The following CPVL variants were observed in gnomAD, a reference collection of about 807,000 sequenced individuals.
CPVL encodes the protein carboxypeptidase vitellogenic like.
In CPVL, 51 loss-of-function variants were observed where a neutral mutation model predicts 63.7. The ratio of observed to expected loss-of-function variants is 0.80; its 90% CI spans 0.64 to 1.01. CPVL has a LOEUF of 1.01. Among genes scored for constraint, CPVL ranks in the 50% least tolerant of loss-of-function variants. CPVL has a pLI of 0.00. For synonymous variants in CPVL, 195 were observed against 206.0 expected (o/e 0.95, Z 0.46); for missense variants, 530 against 573.1 (o/e 0.92, Z 0.77).
intron 8 of CPVL, 136 bp downstream of exon 8, chr7:29,072,165 T>C (rs1353418008): frequency 9.7e-7 from 1 of 1,033,496 alleles, no homozygotes; most frequent in African/African-American, 1.6e-5. Flanking sequence ...TTGGTAAAAA[T>C]TAGGAGATTT....
At chr7:29,051,090 T>A (rs1790109492) in intron 11 of CPVL, among the ~76,000 whole-genome samples, 1 of 152,102 alleles carries the variant, frequency 6.6e-6, no homozygotes, top group Admixed American at 6.6e-5. Flanking sequence ...TCACCTTATA[T>A]AAAAATCAAC....
At chr7:29,187,376 A>G (rs1306444247) in intron 1 of CPVL, among the ~76,000 whole-genome samples, 1 of 151,928 alleles carries the variant, frequency 6.6e-6, no homozygotes, top group East Asian at 1.9e-4. Flanking sequence ...ACAAAGAGAG[A>G]GACAGAGAGC....
intron 12 of CPVL, among the ~76,000 whole-genome samples, chr7:29,013,619 C>A (rs747133566): frequency 6.6e-6 from 1 of 152,200 alleles, no homozygotes; most frequent in Non-Finnish European, 1.5e-5. Context: ...CACCAGCTCC[C>A]GCTGCTCCCA....
In CPVL at chr7:29,096,538, T is replaced by C; in HGVS notation, c.289-321A>G. On this transcript the variant is annotated intron_variant, in intron 3 of 12. Coordinates refer to ENST00000265394, the MANE Select transcript of CPVL (RefSeq NM_031311.5). ...GACATCTAGCATACTGCCTGGGGCATGGTTATATATTTTTAGCTGTTTAAA... is the reference window on the plus strand; with the variant it reads ...GACATCTAGCATACTGCCTGGGGCACGGTTATATATTTTTAGCTGTTTAAA... 2 of 369,016 alleles carry C rather than the reference T, an allele frequency of 5.4e-6. 1 individual carries two copies. Among genetic ancestry groups the C allele is most frequent in the Non-Finnish European group, 1.0e-5 (2 of 200,906 alleles). The allele number at this position is 369,016 out of a possible 1,614,324, so 22.9% of individuals were successfully genotyped here.
chr7:29,116,272 C>A (rs1267997741), intron 2 of CPVL, among the ~76,000 whole-genome samples: 1 of 152,090 alleles, frequency 6.6e-6, no homozygotes, highest in African/African-American at 2.4e-5. Flanking sequence ...AAAGTTTTGC[C>A]CTGTTTCAAA....
At chr7:29,097,734 T>C (rs1474917257) in intron 3 of CPVL, among the ~76,000 whole-genome samples, 1 of 151,946 alleles carries the variant, frequency 6.6e-6, no homozygotes, top group Non-Finnish European at 1.5e-5. Context: ...TTGGAGAGTG[T>C]GAAAAGGAAA....
chr7:29,194,764 G>A, intron 1 of CPVL: 1 of 470,006 alleles, frequency 2.1e-6, no homozygotes, highest in Non-Finnish European at 3.5e-6. Flanking sequence ...GGCGGCGGCA[G>A]CGCGTCATCT....
chr7:29,112,629 C>CG, intron 3 of CPVL, 75 bp downstream of exon 3: 1 of 916,640 alleles, frequency 1.1e-6, no homozygotes, highest in South Asian at 1.5e-5. Context: ...ACCTGTAGCT[C>CG]GGTAGGCTAA....
chr7:29,014,729 T>C (rs1180017634), intron 12 of CPVL, among the ~76,000 whole-genome samples: 1 of 152,184 alleles, frequency 6.6e-6, no homozygotes, highest in Non-Finnish European at 1.5e-5. Flanking sequence ...CCATTCAATA[T>C]GTTTTTGAAA....
intron 11 of CPVL, among the ~76,000 whole-genome samples, chr7:29,031,022 C>A (rs185454993): frequency 4.7e-4 from 72 of 152,284 alleles, no homozygotes; most frequent in African/African-American, 1.7e-3. Context: ...TACATATATA[C>A]AGGTTTTACT....
At chr7:29,184,190 T>C (rs538625372) in intron 4 of CPVL, among the ~76,000 whole-genome samples, 21 of 141,208 alleles carry the variant, frequency 1.5e-4, no homozygotes, top group Admixed American at 5.5e-4. Flanking sequence ...GATAGATAGA[T>C]AGATAGATAA....
At chr7:29,154,091 C>G (rs1200473364) in intron 5 of CPVL, among the ~76,000 whole-genome samples, 1 of 152,122 alleles carries the variant, frequency 6.6e-6, no homozygotes, top group Non-Finnish European at 1.5e-5. Flanking sequence ...CTGCATTTCT[C>G]GAGAGTCAAC....
intron 3 of CPVL, among the ~76,000 whole-genome samples, chr7:29,105,046 T>A (rs1014556129): frequency 6.6e-6 from 1 of 152,168 alleles, no homozygotes; most frequent in Non-Finnish European, 1.5e-5. Context: ...AGAAGATAAA[T>A]AGAGTCAGTT....
intron 12 of CPVL, among the ~76,000 whole-genome samples, chr7:29,003,154 G>GCGCACACACACACA (rs1491473754): frequency 8.1e-6 from 1 of 123,710 alleles, no homozygotes; most frequent in Non-Finnish European, 1.6e-5. Context: ...ATGTGTATGT[G>GCGCACACACACACA]CACACACACA....
At chr7:29,037,944 G>A (rs950565249) in intron 11 of CPVL, among the ~76,000 whole-genome samples, 1 of 152,132 alleles carries the variant, frequency 6.6e-6, no homozygotes, top group African/African-American at 2.4e-5. Context: ...GCTGTCAGGA[G>A]GGCAAATAGG....
At chr7:29,101,537 G>A (rs1217126812) in intron 3 of CPVL, among the ~76,000 whole-genome samples, 3 of 152,228 alleles carry the variant, frequency 2.0e-5, no homozygotes, top group African/African-American at 7.2e-5. Context: ...GGAGCTTGCA[G>A]TGAGCCAAAA....
At chr7:29,174,095 C>T (rs1584555190) in intron 5 of CPVL, among the ~76,000 whole-genome samples, 1 of 152,148 alleles carries the variant, frequency 6.6e-6, no homozygotes, top group Non-Finnish European at 1.5e-5. Context: ...AGGGGGTGCT[C>T]TTGAGGAAGA....
At chr7:29,110,289 G>A (rs1788119772) in intron 3 of CPVL, among the ~76,000 whole-genome samples, 2 of 152,180 alleles carry the variant, frequency 1.3e-5, no homozygotes, top group South Asian at 4.2e-4. Flanking sequence ...TCCGCAAGCT[G>A]GATTAGGGAA....
intron 5 of CPVL, among the ~76,000 whole-genome samples, chr7:29,168,867 C>G (rs1044002161): frequency 6.6e-6 from 1 of 152,216 alleles, no homozygotes; most frequent in Non-Finnish European, 1.5e-5. Flanking sequence ...TGCGTGTTTA[C>G]CACTATCCAT....
Sources: gnomAD v4.1 joint callset for allele counts (sites outside exome capture counted in the v4.1 genomes callset) on GRCh38, gnomAD v4.1.1 for gene constraint, MANE v1.5 for transcripts, NCBI Gene and HGNC (gene_info 2026-07-23, HGNC 2026-07-21) for gene names.